Variants in OFD1 observed in about 807,000 individuals in gnomAD.
OFD1 encodes the protein OFD1 centriole and centriolar satellite protein.
In OFD1, 12 loss-of-function variants were observed where a neutral mutation model predicts 81.4. That is an observed-to-expected ratio of 0.15 (90% CI 0.09 to 0.24). The LOEUF is 0.24. Among genes scored for constraint, OFD1 ranks in the 10% least tolerant of loss-of-function variants. The probability of loss-of-function intolerance (pLI) is 1.00; values close to 1 mark genes in which losing one functional copy is unlikely to be tolerated. For missense variants in OFD1, 685 were observed against 733.9 expected (o/e 0.93, Z 0.77); for synonymous variants, 256 against 263.7 (o/e 0.97, Z 0.28).
intron 17 of OFD1, among the ~76,000 whole-genome samples, chrX:13,761,901 A>C (rs1204272723): frequency 2.0e-5 from 2 of 101,465 alleles, no homozygotes; most frequent in Non-Finnish European, 3.9e-5. Context: ...CGTAGTCCTA[A>C]AGCTTTTTTT....
rs748477774 is a variant in OFD1 at position 13,746,804 on chromosome X, A to G, written c.679A>G (p.Ile227Val). The change falls in exon 8 of 23, where the codon ATA becomes GTA. Residue 227 changes from isoleucine (I) to valine (V), a missense_variant. By Grantham distance (29) the Ile-to-Val change is conservative. Coordinates refer to ENST00000340096, the MANE Select transcript of OFD1 (RefSeq NM_003611.3). ...GTTGAAGTTTTTTAAAGATACCGAG[A>G]TAGCAAAAATTAAAATGGAAGCAAA... ...QKLKFFKDTE[I>V]AKIKMEAKKK... The G allele has an allele frequency of 1.6e-5, 19 of 1,199,671 alleles. No individual in the cohort carries two copies. The Admixed American group carries it at 2.4e-4, about 15-fold the overall frequency.
chrX:13,769,894 G>A (rs1456131167), downstream of OFD1, among the ~76,000 whole-genome samples: 1 of 111,970 alleles, frequency 8.9e-6, no homozygotes, highest in Non-Finnish European at 1.9e-5. Context: ...CTCTAAAACT[G>A]TAAGAAATAC....
the OFD1 span, among the ~76,000 whole-genome samples, chrX:13,722,801 C>T: frequency 5.9e-4 from 66 of 111,574 alleles, no homozygotes; most frequent in African/African-American, 2.1e-3. Context: ...CGGTGGCTCA[C>T]GCCTGTAATC....
At chrX:13,733,679 A>G (rs368361133), upstream of OFD1, among the ~76,000 whole-genome samples, 8 of 111,897 alleles carry the variant, frequency 7.1e-5, no homozygotes, top group South Asian at 3.0e-3. Context: ...ATACCATATA[A>G]GGCTTATATT....
the OFD1 span, chrX:13,716,119 G>A: frequency 1.7e-6 from 2 of 1,160,229 alleles, no homozygotes; most frequent in Admixed American, 2.5e-5. Context: ...ATCTTTCTTA[G>A]AAATGAAAAA....
At chrX:13,771,925 G>C (rs1223369370), downstream of OFD1, 4 of 112,371 alleles carry the variant, frequency 3.6e-5, no homozygotes, top group African/African-American at 1.3e-4. Context: ...TTTGCAATTA[G>C]GTTTTAGATA....
chrX:13,739,189 A>C (rs752849044), intron 5 of OFD1, 157 bp downstream of exon 5: 23 of 487,372 alleles, frequency 4.7e-5, no homozygotes, highest in African/African-American at 4.2e-4. Flanking sequence ...CATTTTTGTA[A>C]TAACTTTTAG....
chrX:13,735,028 G>A lies in OFD1; in HGVS notation c.-44G>A, dbSNP rs1370084522. The A allele has an allele frequency of 8.5e-7, 1 of 1,179,661 alleles. No individual in the cohort carries two copies. The highest frequency in any genetic ancestry group is 1.1e-6 in the Non-Finnish European group (1 of 882,505). Reference sequence around the variant, plus strand: ...CCGGGCTGGGCACTAAACTCGGGCCGCGGCGGGGCGAGCGAGGCGGGCTCC... The same window carrying A: ...CCGGGCTGGGCACTAAACTCGGGCCACGGCGGGGCGAGCGAGGCGGGCTCC... On this transcript the variant is annotated 5_prime_UTR_variant, in exon 1 of 23. Transcript: ENST00000340096.
chrX:13,734,969 G>C lies in OFD1; in HGVS notation c.-103G>C. 1.7e-6 allele frequency: 2 copies of C among 1,151,500 alleles called. No homozygotes were observed. Among genetic ancestry groups the C allele is most frequent in the Non-Finnish European group, 2.3e-6 (2 of 870,022 alleles). 94.9% of individuals were successfully genotyped at this position (1,151,500 alleles called of 1,213,427 possible). A position where few individuals can be genotyped will look rare whatever the true frequency, so the allele number is the denominator to read the frequency against. ...CCTCGGGACAGAGGCAGGGTTCTGAGGGCAGGGATTCCCCCTCGTCTTGGC... is the reference window on the plus strand; with the variant it reads ...CCTCGGGACAGAGGCAGGGTTCTGACGGCAGGGATTCCCCCTCGTCTTGGC... On this transcript the variant is annotated 5_prime_UTR_variant, in exon 1 of 23. Transcript: ENST00000340096.
At chrX:13,733,576 T>A (rs1212547348), upstream of OFD1, among the ~76,000 whole-genome samples, 3 of 111,817 alleles carry the variant, frequency 2.7e-5, no homozygotes, top group Admixed American at 2.9e-4. Flanking sequence ...TTAAATACTT[T>A]AAGTTTTTCA....
intron 17 of OFD1, 76 bp from the exon 18 acceptor site, chrX:13,762,268 C>T: frequency 1.5e-6 from 1 of 660,079 alleles, no homozygotes; most frequent in Non-Finnish European, 2.5e-6. Flanking sequence ...TCTTGAGTCA[C>T]AAAAGGCTTT....
the OFD1 span, among the ~76,000 whole-genome samples, chrX:13,722,424 A>G: frequency 9.0e-6 from 1 of 110,691 alleles, no homozygotes; most frequent in Non-Finnish European, 1.9e-5. Flanking sequence ...CAGCTGCGCA[A>G]AAGATGAGAC....
intron 22 of OFD1, 140 bp from the exon 23 acceptor site, chrX:13,768,926 T>C (rs2048236891): frequency 3.9e-6 from 3 of 764,276 alleles, no homozygotes; most frequent in East Asian, 6.3e-5. Flanking sequence ...ATTGAGTTTT[T>C]TGACTTGTGA....
intron 10 of OFD1, among the ~76,000 whole-genome samples, 177 bp downstream of exon 10, chrX:13,751,545 A>G (rs1217465882): frequency 1.8e-5 from 2 of 111,602 alleles, no homozygotes; most frequent in Admixed American, 1.9e-4. Context: ...AGTTTTTAAA[A>G]GATAAGGGCC....
chrX:13,729,952 T>G (rs2046638675), upstream of OFD1, among the ~76,000 whole-genome samples: 1 of 111,516 alleles, frequency 9.0e-6, no homozygotes, highest in Non-Finnish European at 1.9e-5. Flanking sequence ...ATGTTAGACC[T>G]AAAACCATAA....
chrX:13,748,859 T>C (rs961065491), intron 8 of OFD1, among the ~76,000 whole-genome samples: 1 of 111,508 alleles, frequency 9.0e-6, no homozygotes, highest in East Asian at 2.8e-4. Flanking sequence ...TGGCTCATGC[T>C]TGTAGTCCCA....
At position 13,751,357 on chromosome X, in the gene OFD1, T is replaced by C. The variant is rs1236447990; in HGVS notation, c.1044T>C (p.Asn348=). 1.7e-6 allele frequency: 2 copies of C among 1,198,607 alleles called. No homozygotes were observed. The highest frequency in any genetic ancestry group is 3.6e-5 in the South Asian group (2 of 56,052). ...FEETYDRKLK[N]ELLKYQLELK... is the part of the protein sequence containing the mutation. Reference sequence around the variant, plus strand: ...AGACCTATGACCGAAAGCTCAAGAATGAACTTCTAAAGTAATTGTTTAGCA... The same window carrying C: ...AGACCTATGACCGAAAGCTCAAGAACGAACTTCTAAAGTAATTGTTTAGCA... Residue 348 remains asparagine (N), a synonymous_variant, in exon 10 of 23, where the codon AAT becomes AAC. Transcript: ENST00000340096.
the OFD1 span, among the ~76,000 whole-genome samples, chrX:13,726,604 A>G: frequency 7.1e-5 from 8 of 112,069 alleles, no homozygotes; most frequent in African/African-American, 2.6e-4. Context: ...TCCTGAAGGA[A>G]GCACTAAACA....
chrX:13,770,660 T>C (rs145108232), downstream of OFD1, among the ~76,000 whole-genome samples: 543 of 112,408 alleles, frequency 4.8e-3, 6 homozygotes, highest in Non-Finnish European at 7.6e-3. Context: ...GTTGATCCTA[T>C]AGGTAGATGG....
Sources: gnomAD v4.1 joint callset for allele counts (sites outside exome capture counted in the v4.1 genomes callset) on GRCh38, gnomAD v4.1.1 for gene constraint, MANE v1.5 for transcripts, NCBI Gene and HGNC (gene_info 2026-07-23, HGNC 2026-07-21) for gene names.